The following RPF1 variants were observed in gnomAD, a reference collection of about 807,000 sequenced individuals.
RPF1 encodes the protein ribosome production factor 1 homolog.
A neutral mutation model predicts 41.9 loss-of-function variants in RPF1; 34 were observed. That is an observed-to-expected ratio of 0.81 (90% confidence interval 0.62 to 1.08). RPF1 has a LOEUF of 1.08. Among genes scored for constraint, RPF1 ranks in the 50% least tolerant of loss-of-function variants. The pLI, the probability that RPF1 is intolerant of heterozygous loss-of-function variation, is 0.00. For synonymous variants in RPF1, 140 were observed against 148.9 expected (o/e 0.94, Z 0.43); for missense variants, 425 against 435.2 (o/e 0.98, Z 0.21).
At chr1:84,489,838 C>G in intron 4 of RPF1, 110 bp downstream of exon 4, 1 of 639,870 alleles carries the variant, frequency 1.6e-6, no homozygotes, top group Non-Finnish European at 2.8e-6. Context: ...TTAAAGAATG[C>G]CTGTGACTAA....
chr1:84,484,846 G>T (rs1307840929), intron 3 of RPF1, among the ~76,000 whole-genome samples: 1 of 151,698 alleles, frequency 6.6e-6, no homozygotes, highest in Non-Finnish European at 1.5e-5. Context: ...GCTAATTTTT[G>T]TATTTTTAGT....
chr1:84,492,772 A>T (rs1681858839), intron 5 of RPF1, among the ~76,000 whole-genome samples: 1 of 152,216 alleles, frequency 6.6e-6, no homozygotes. Context: ...AGCTTCCAAG[A>T]TGGTTTGCAT....
Position 84,483,296 on chromosome 1 carries a change from T to C in RPF1, c.366+301T>C, listed in dbSNP as rs747457702. The C allele has an allele frequency of 2.0e-5, 6 of 301,774 alleles. 1 individual carries two copies. In the South Asian group the frequency reaches 2.3e-4, roughly 12 times the overall value. The allele number at this position is 301,774 out of a possible 1,614,324, so 18.7% of individuals were successfully genotyped here. A position where few individuals can be genotyped will look rare whatever the true frequency, so the allele number is the denominator to read the frequency against. The stretch of plus-strand genomic sequence containing the variant: ...TTTTTGATTTTGTTGAGACAGAGTC[T>C]TGCTCTGTCGCCCATGCTGGAGTGC... On this transcript the variant is annotated intron_variant, in intron 3 of 8. Transcript: ENST00000370654.
At chr1:84,497,227 A>C (rs1478936847) in intron 8 of RPF1, among the ~76,000 whole-genome samples, 1 of 151,142 alleles carries the variant, frequency 6.6e-6, no homozygotes, top group Non-Finnish European at 1.5e-5. Context: ...ATTTTACTTT[A>C]AAATCACACA....
In RPF1 at chr1:84,487,728, G is replaced by T. The variant is rs187978861; in HGVS notation, c.367-1905G>T. 2.3e-3 allele frequency among the ~76,000 whole-genome samples: 357 copies of T among 152,040 alleles called. 3 individuals are homozygous for T. The highest frequency in any genetic ancestry group is 7.6e-3 in the African/African-American group (317 of 41,498). The stretch of plus-strand genomic sequence containing the variant: ...AAAGAGTTGCCTCTCGTATTTATTT[G>T]CTTGATTGTCAGGAATTGTTTTCTG... On this transcript the variant is annotated intron_variant, in intron 3 of 8. Transcript: ENST00000370654.
At chr1:84,493,283 TAG>T (rs1459255371) in intron 5 of RPF1, among the ~76,000 whole-genome samples, 2 of 143,322 alleles carry the variant, frequency 1.4e-5, no homozygotes, top group African/African-American at 2.6e-5. Context: ...TTTAAAATGA[TAG>T]AATTCAAACG....
chr1:84,496,864 T>C (rs1244172150), intron 8 of RPF1, among the ~76,000 whole-genome samples: 5 of 152,148 alleles, frequency 3.3e-5, no homozygotes, highest in Admixed American at 3.3e-4. Context: ...TGAAAACTTT[T>C]TTGTTGTTGT....
At position 84,495,403 on chromosome 1, in the gene RPF1, G is replaced by A; in HGVS notation, c.647G>A (p.Gly216Asp). ...NGLILSHLPN[G>D]PTAHFKMSSV... ...CTTATTTTGAGTCACTTGCCAAATG[G>A]CCCAACTGCTCATTTTAAAATGAGC... The change falls in exon 6 of 9, where the codon GGC becomes GAC. Residue 216 changes from glycine (G) to aspartate (D), a missense_variant. Physicochemically the swap from Gly to Asp is moderately conservative, Grantham distance 94 (BLOSUM62 -1). Transcript: ENST00000370654. 1.3e-6 allele frequency: 2 copies of A among 1,533,532 alleles called. No individual in the cohort carries two copies. The highest frequency in any genetic ancestry group is 2.3e-5 in the South Asian group (2 of 85,324). 95.0% of individuals were successfully genotyped at this position (1,533,532 alleles called of 1,614,324 possible). A position where few individuals can be genotyped will look rare whatever the true frequency, so the allele number is the denominator to read the frequency against.
intron 4 of RPF1, among the ~76,000 whole-genome samples, chr1:84,490,048 C>G (rs114644479): frequency 0.016 from 2,400 of 152,280 alleles, 32 homozygotes; most frequent in Non-Finnish European, 0.024. Flanking sequence ...CACACCACTA[C>G]CACTACCATC....
chr1:84,497,764 CAT>C lies in RPF1; in HGVS notation c.*295_*296del, dbSNP rs1027149821. 75 of 252,742 alleles carry C rather than the reference CAT, an allele frequency of 3.0e-4. No individual in the cohort carries two copies. Among genetic ancestry groups the C allele is most frequent in the African/African-American group, 1.5e-3 (68 of 44,706 alleles). 15.7% of individuals were successfully genotyped at this position (252,742 alleles called of 1,614,324 possible). ...TTAACTTTCCTATTTGCATAGAACA[CAT>C]GAGAGGAATAAAATGGTTGGTAAAT... On this transcript the variant is annotated 3_prime_UTR_variant, in exon 9 of 9. Coordinates refer to ENST00000370654, the MANE Select transcript of RPF1 (RefSeq NM_025065.7).
At chr1:84,495,616 A>G (rs551813161) in intron 6 of RPF1, among the ~76,000 whole-genome samples, 161 bp downstream of exon 6, 1 of 152,308 alleles carries the variant, frequency 6.6e-6, no homozygotes, top group African/African-American at 2.4e-5. Flanking sequence ...GACTGTGGTT[A>G]AGTTACAGCC....
rs1558536434 is a variant in RPF1, at chr1:84,479,324, A to T, written c.43A>T (p.Ser15Cys). ...GDKSSSSGKK[S>C]LKRKAAAEEL... ...TAAGAGCAGCAGCAGCGGGAAGAAA[A>T]GTCTAAAACGGAAAGCCGCTGCCGA... is the stretch of plus-strand genomic sequence containing the variant. Residue 15 changes from serine (S) to cysteine (C), a missense_variant, in exon 1 of 9, where the codon AGT becomes TGT. Ser to Cys is a moderately radical substitution (Grantham distance 112). Transcript: ENST00000370654. 1 of 1,610,010 alleles carries T rather than the reference A, an allele frequency of 6.2e-7. No individual in the cohort carries two copies. Among genetic ancestry groups the T allele is most frequent in the African/African-American group, 1.3e-5 (1 of 74,598 alleles).
chr1:84,493,235 T>C (rs1224270143), intron 5 of RPF1, among the ~76,000 whole-genome samples: 1 of 152,070 alleles, frequency 6.6e-6, no homozygotes, highest in African/African-American at 2.4e-5. Context: ...ATAAATACTT[T>C]TGGCTGTATT....
rs1681968932 is a variant in RPF1, at chr1:84,497,710, GAAT to G, written c.*244_*246del. 7.9e-6 allele frequency: 3 copies of G among 381,922 alleles called. No individual in the cohort carries two copies. The highest frequency in any genetic ancestry group is 9.6e-6 in the Non-Finnish European group (2 of 209,088). 23.7% of individuals were successfully genotyped at this position (381,922 alleles called of 1,614,324 possible). A position where few individuals can be genotyped will look rare whatever the true frequency, so the allele number is the denominator to read the frequency against. On this transcript the variant is annotated 3_prime_UTR_variant, in exon 9 of 9. Transcript: ENST00000370654. The stretch of plus-strand genomic sequence containing the variant: ...AGTTCTCTTGTTTTTGGGTAACTGT[GAAT>G]AATTAAGTTGGAATCAAGATTCAGA...
rs746238125 is a variant in RPF1 at position 84,479,478 on chromosome 1, T to A, written c.197T>A (p.Met66Lys). 3.1e-6 allele frequency: 5 copies of A among 1,614,176 alleles called. No homozygotes were observed. The highest frequency in any genetic ancestry group is 1.7e-5 in the Admixed American group (1 of 60,022). The stretch of plus-strand genomic sequence containing the variant: ...AAAAACAAACAGCGGCGACACTTAA[T>A]GTTCACGCGGTGGAAACAGCAGCAG... ...EIKNKQRRHL[M>K]FTRWKQQQRK... Residue 66 changes from methionine (M) to lysine (K), a missense_variant, in exon 1 of 9, where the codon ATG (methionine) becomes AAG (lysine). Coordinates refer to ENST00000370654, the MANE Select transcript of RPF1 (RefSeq NM_025065.7).
chr1:84,489,123 T>G (rs540714149), intron 3 of RPF1, among the ~76,000 whole-genome samples: 9 of 152,296 alleles, frequency 5.9e-5, no homozygotes, highest in African/African-American at 2.2e-4. Context: ...ATTGATTTGC[T>G]CAATATATAT....
At chr1:84,480,862 G>A (rs1309589986) in intron 1 of RPF1, 94 bp from the exon 2 acceptor site, 4 of 688,280 alleles carry the variant, frequency 5.8e-6, no homozygotes, top group Non-Finnish European at 7.7e-6. Flanking sequence ...CCCAGTTCGA[G>A]TATTCATAGC....
intron 3 of RPF1, among the ~76,000 whole-genome samples, chr1:84,484,162 T>C (rs1443814621): frequency 6.6e-6 from 1 of 152,218 alleles, no homozygotes; most frequent in East Asian, 1.9e-4. Flanking sequence ...AGTAAGGTGT[T>C]TGTGTGTGTA....
rs751043500 is a variant in RPF1, at chr1:84,479,545, G to A, written c.228+36G>A. Reference sequence around the variant, plus strand: ...GGCGGGGGCTGCCGGGCGCTTGCGCGTTGTTCCTGACGCTTAGGGCGGTCG... The same window carrying A: ...GGCGGGGGCTGCCGGGCGCTTGCGCATTGTTCCTGACGCTTAGGGCGGTCG... On this transcript the variant is annotated intron_variant, in intron 1 of 8. Transcript: ENST00000370654. 15 of 1,601,080 alleles carry A rather than the reference G, an allele frequency of 9.4e-6. No homozygotes were observed. The African/African-American group carries it at 1.5e-4, about 16-fold the overall frequency.
Sources: allele counts gnomAD v4.1 joint callset (sites outside exome capture counted in the v4.1 genomes callset), GRCh38; gene constraint gnomAD v4.1.1; transcripts MANE v1.5; gene names NCBI Gene and HGNC (gene_info 2026-07-23, HGNC 2026-07-21).